The following MARVELD3 variants were observed in gnomAD, a reference collection of about 807,000 sequenced individuals.
MARVELD3 encodes the protein MARVEL domain containing 3.
A neutral mutation model predicts 33.5 loss-of-function variants in MARVELD3; 28 were observed. That is an observed-to-expected ratio of 0.84 (90% CI 0.62 to 1.15). MARVELD3 has a LOEUF of 1.15. Among genes scored for constraint, MARVELD3 ranks in the 50% most tolerant of loss-of-function variants. The pLI, the probability that MARVELD3 is intolerant of heterozygous loss-of-function variation, is 0.00. For missense variants in MARVELD3, 582 were observed against 547.6 expected (o/e 1.06, Z -0.63); for synonymous variants, 241 against 230.4 (o/e 1.05, Z -0.42).
At chr16:71,630,932 C>A (rs915502675) in intron 2 of MARVELD3, among the ~76,000 whole-genome samples, 1 of 152,286 alleles carries the variant, frequency 6.6e-6, no homozygotes, top group South Asian at 2.1e-4. Flanking sequence ...CCCATTCTAG[C>A]GGTCTTGGCC....
downstream of MARVELD3, chr16:71,640,371 C>A: frequency 6.2e-7 from 1 of 1,610,064 alleles, no homozygotes; most frequent in African/African-American, 1.3e-5. Flanking sequence ...TGTTAAAGCC[C>A]GAATCTCTCT....
rs1468186520 is a variant in MARVELD3, at chr16:71,635,877, C to T, written c.*1074C>T. ...TTCTCTGGGTTGCAAAGAGGCTATTCTGCAAGCCCCTTACAGTGGCCCTGA... is the reference window on the plus strand; with the variant it reads ...TTCTCTGGGTTGCAAAGAGGCTATTTTGCAAGCCCCTTACAGTGGCCCTGA... On this transcript the variant is annotated 3_prime_UTR_variant, in exon 3 of 3. Transcript: ENST00000268485. 1.0e-6 allele frequency: 1 copy of T among 985,384 alleles called. No individual in the cohort carries two copies. The highest frequency in any genetic ancestry group is 1.2e-6 in the Non-Finnish European group (1 of 829,928). The allele number at this position is 985,384 out of a possible 1,614,324, so 61.0% of individuals were successfully genotyped here. A position where few individuals can be genotyped will look rare whatever the true frequency, so the allele number is the denominator to read the frequency against.
chr16:71,640,356 G>C (rs935584644), downstream of MARVELD3: 1 of 1,603,174 alleles, frequency 6.2e-7, no homozygotes, highest in Non-Finnish European at 8.5e-7. Flanking sequence ...GGTGAGTAAT[G>C]TCAGTGTTAA....
Position 71,634,282 on chromosome 16 carries a change from A to T in MARVELD3, c.685A>T (p.Ile229Phe). Reference protein sequence around the residue: ...SYSSTGGYTGITSLGGIYYYQ... With the variant: ...SYSSTGGYTGFTSLGGIYYYQ... The stretch of plus-strand genomic sequence containing the variant: ...CAGTTCCACAGGGGGCTACACGGGC[A>T]TCACCAGCTTGGGGGGCATTTACTA... The change falls in exon 3 of 3, where the codon ATC becomes TTC. Residue 229 changes from isoleucine (I) to phenylalanine (F), a missense_variant. Transcript: ENST00000268485. The T allele has an allele frequency of 1.2e-6, 2 of 1,614,190 alleles. No homozygotes were observed. Among genetic ancestry groups the T allele is most frequent in the Non-Finnish European group, 1.7e-6 (2 of 1,180,030 alleles).
At chr16:71,640,999 C>G, downstream of MARVELD3, 1 of 1,610,516 alleles carries the variant, frequency 6.2e-7, no homozygotes, top group Non-Finnish European at 8.5e-7. Context: ...AGTGATGCAC[C>G]GGAATATCTG....
chr16:71,631,818 T>C (rs533058608), intron 2 of MARVELD3, among the ~76,000 whole-genome samples: 13 of 152,306 alleles, frequency 8.5e-5, no homozygotes, highest in African/African-American at 3.1e-4. Context: ...AACAATAATG[T>C]TGTTTGCATT....
rs528375990 is a variant in MARVELD3 at position 71,632,593 on chromosome 16, T to A, written c.596-1600T>A. Among the ~76,000 whole-genome samples, 78 of 151,860 alleles carry A rather than the reference T, an allele frequency of 5.1e-4. No homozygotes were observed. The South Asian group carries it at 8.3e-3, about 16-fold the overall frequency. Reference sequence around the variant, plus strand: ...TAACTTAATTTTTCCTATTTCTTTTTTTTTTTATTTTTTATTTATTTATTT... The same window carrying A: ...TAACTTAATTTTTCCTATTTCTTTTATTTTTTATTTTTTATTTATTTATTT... On this transcript the variant is annotated intron_variant, in intron 2 of 2. Coordinates refer to ENST00000268485, the MANE Select transcript of MARVELD3 (RefSeq NM_052858.6).
At chr16:71,630,668 TAC>T (rs1175019564) in intron 2 of MARVELD3, among the ~76,000 whole-genome samples, 1 of 151,128 alleles carries the variant, frequency 6.6e-6, no homozygotes, top group Non-Finnish European at 1.5e-5. Context: ...TATATATATA[TAC>T]ACACACATAA....
chr16:71,632,059 G>C (rs1314020449), intron 2 of MARVELD3, among the ~76,000 whole-genome samples: 1 of 152,146 alleles, frequency 6.6e-6, no homozygotes, highest in Non-Finnish European at 1.5e-5. Context: ...ACACACAAAA[G>C]GACATAACCG....
downstream of MARVELD3, chr16:71,640,406 G>A: frequency 6.2e-7 from 1 of 1,614,156 alleles, no homozygotes. Context: ...TGCAGATAGT[G>A]GAGGTGGTCT....
At chr16:71,630,891 G>C (rs1472608830) in intron 2 of MARVELD3, among the ~76,000 whole-genome samples, 1 of 152,116 alleles carries the variant, frequency 6.6e-6, no homozygotes, top group East Asian at 1.9e-4. Context: ...AGCCTATCAT[G>C]TATCCACCCC....
downstream of MARVELD3, chr16:71,640,888 G>C (rs764806516): frequency 1.2e-6 from 2 of 1,614,208 alleles, no homozygotes; most frequent in African/African-American, 1.3e-5. Context: ...ACCTTTGCTT[G>C]TCTTCTCGTG....
rs989742743 is a variant in MARVELD3 at position 71,635,445 on chromosome 16, C to G, written c.*642C>G. On this transcript the variant is annotated 3_prime_UTR_variant, in exon 3 of 3. Coordinates refer to ENST00000268485, the MANE Select transcript of MARVELD3 (RefSeq NM_052858.6). ...GAGGTCACCAAGAGAATTTGATGAA[C>G]CTTACCTTCAAAGTTCCTGGGCACA... 6.1e-6 allele frequency: 6 copies of G among 984,034 alleles called. No individual in the cohort carries two copies. Among genetic ancestry groups the G allele is most frequent in the Non-Finnish European group, 7.2e-6 (6 of 829,696 alleles). 61.0% of individuals were successfully genotyped at this position (984,034 alleles called of 1,614,324 possible). A position where few individuals can be genotyped will look rare whatever the true frequency, so the allele number is the denominator to read the frequency against.
chr16:71,641,674 G>A (rs1315169724), exon 3 of MARVELD3: 1 of 152,390 alleles, frequency 6.6e-6, no homozygotes, highest in Non-Finnish European at 1.5e-5. Context: ...ACTTGAACCT[G>A]GGAGGCAGAG....
chr16:71,634,180 C>T lies in MARVELD3; in HGVS notation c.596-13C>T, dbSNP rs776840849. On this transcript the variant is annotated splice_polypyrimidine_tract_variant and intron_variant, in intron 2 of 2. Transcript: ENST00000268485. ...CAGCATCACTCAAAAATGGTAACAC[C>T]CTTTTTTTGCAGCCTGCTGCCAAAT... The T allele has an allele frequency of 4.4e-6, 7 of 1,587,324 alleles. No homozygotes were observed. In the South Asian group the frequency reaches 5.8e-5, roughly 13 times the overall value.
intron 2 of MARVELD3, among the ~76,000 whole-genome samples, chr16:71,630,508 C>T (rs1051002059): frequency 3.3e-5 from 5 of 151,524 alleles, no homozygotes; most frequent in Non-Finnish European, 5.9e-5. Context: ...CCTGTAATCC[C>T]AGCTACTTAG....
chr16:71,630,081 TAAA>T (rs35937926), intron 2 of MARVELD3, among the ~76,000 whole-genome samples: 6 of 139,110 alleles, frequency 4.3e-5, no homozygotes, highest in African/African-American at 5.3e-5. Context: ...ATCTCTAGTT[TAAA>T]AAAAAAAAAA....
rs2044579256 is a variant in MARVELD3 at position 71,636,041 on chromosome 16, C to A, written c.*1238C>A. ...CAGAAGAGTGTTACTTTTGGTCAGA[C>A]AACTTCATGGGTTCTTACTGCACAT... On this transcript the variant is annotated 3_prime_UTR_variant, in exon 3 of 3. Transcript: ENST00000268485. 1.0e-6 allele frequency: 1 copy of A among 985,358 alleles called. No individual in the cohort carries two copies. Among genetic ancestry groups the A allele is most frequent in the South Asian group, 4.7e-5 (1 of 21,286 alleles). 61.0% of individuals were successfully genotyped at this position (985,358 alleles called of 1,614,324 possible). A position where few individuals can be genotyped will look rare whatever the true frequency, so the allele number is the denominator to read the frequency against.
At chr16:71,639,395 A>G (rs1445635652), downstream of MARVELD3, 1 of 147,796 alleles carries the variant, frequency 6.8e-6, no homozygotes, top group African/African-American at 2.5e-5. Flanking sequence ...TTCACTCATC[A>G]TAATTCCCTT....
Sources: allele counts gnomAD v4.1 joint callset (sites outside exome capture counted in the v4.1 genomes callset), GRCh38; gene constraint gnomAD v4.1.1; transcripts MANE v1.5; gene names NCBI Gene and HGNC (gene_info 2026-07-23, HGNC 2026-07-21).